Variants in UNC13C observed in about 807,000 individuals in gnomAD.
UNC13C encodes unc-13 homolog C.
A neutral mutation model predicts 245.4 loss-of-function variants in UNC13C; 174 were observed. The observed-to-expected ratio is 0.71, with a 90% CI of 0.63 to 0.80. The LOEUF (loss-of-function observed/expected upper bound fraction) is 0.80, where lower values mean the gene tolerates loss of function less well. Ranked by LOEUF, UNC13C falls within the 30% of genes least tolerant of loss-of-function variation. The pLI is 0.00. For missense variants in UNC13C, 2,829 were observed against 2,602.9 expected, an observed-to-expected ratio of 1.09 and a Z score of -1.89; for synonymous variants, 992 against 895.1, an observed-to-expected ratio of 1.11 and a Z score of -1.93.
At chr15:54,388,404 C>A (rs189801404) in intron 17 of UNC13C, among the ~76,000 whole-genome samples, 138 of 152,216 alleles carry the variant, frequency 9.1e-4, no homozygotes, top group African/African-American at 3.2e-3. Context: ...AGATCCACCC[C>A]ACACTGCTTG....
the UNC13C span, among the ~76,000 whole-genome samples, chr15:53,924,405 A>C: frequency 6.6e-6 from 1 of 152,138 alleles, no homozygotes; most frequent in African/African-American, 2.4e-5. Flanking sequence ...TCTTTCATGA[A>C]ATTGTTGTGA....
chr15:54,135,699 A>G (rs997949162), intron 2 of UNC13C, among the ~76,000 whole-genome samples: 1 of 152,196 alleles, frequency 6.6e-6, no homozygotes. Context: ...TTCAATTACT[A>G]TAACCTTGTA....
the UNC13C span, among the ~76,000 whole-genome samples, chr15:53,895,944 C>T: frequency 2.7e-5 from 4 of 149,568 alleles, no homozygotes; most frequent in African/African-American, 9.9e-5. Context: ...CCACTTAGTC[C>T]AGTATATTTT....
At chr15:54,257,566 C>T (rs1401279600) in intron 8 of UNC13C, among the ~76,000 whole-genome samples, 1 of 152,090 alleles carries the variant, frequency 6.6e-6, no homozygotes, top group Non-Finnish European at 1.5e-5. Flanking sequence ...TGACACTGGT[C>T]ATTTTAGAGA....
At chr15:54,254,505 T>A (rs2036229530) in intron 8 of UNC13C, among the ~76,000 whole-genome samples, 1 of 152,222 alleles carries the variant, frequency 6.6e-6, no homozygotes, top group South Asian at 2.1e-4. Flanking sequence ...TTAGCAAATG[T>A]GGTTAAACTA....
the UNC13C span, among the ~76,000 whole-genome samples, chr15:53,897,366 C>T: frequency 6.6e-6 from 1 of 152,188 alleles, no homozygotes; most frequent in Admixed American, 6.5e-5. Flanking sequence ...AGTCATCTCT[C>T]ATTATACTAC....
the UNC13C span, among the ~76,000 whole-genome samples, chr15:53,891,353 G>A: frequency 4.6e-5 from 7 of 152,172 alleles, no homozygotes; most frequent in Non-Finnish European, 1.0e-4. Context: ...ATTTGGGGTG[G>A]AGAGTTCTGT....
chr15:54,508,053 A>C (rs1322839660), intron 23 of UNC13C, among the ~76,000 whole-genome samples: 1 of 152,070 alleles, frequency 6.6e-6, no homozygotes, highest in Non-Finnish European at 1.5e-5. Flanking sequence ...GGTTCTTGAG[A>C]ATTCTATAAG....
intron 10 of UNC13C, among the ~76,000 whole-genome samples, chr15:54,288,867 A>G (rs555894872): frequency 5.9e-5 from 9 of 152,176 alleles, no homozygotes; most frequent in African/African-American, 2.2e-4. Flanking sequence ...TGTTCTGATC[A>G]ATTCATCTCC....
chr15:54,169,682 C>G (rs549173868), intron 4 of UNC13C, among the ~76,000 whole-genome samples: 1 of 152,126 alleles, frequency 6.6e-6, no homozygotes, highest in East Asian at 1.9e-4. Context: ...CCTTTCCAGC[C>G]CTAGGGCTTT....
chr15:54,134,049 CGT>C (rs3082223), intron 2 of UNC13C, among the ~76,000 whole-genome samples: 80,968 of 149,398 alleles, frequency 0.54, 22,703 homozygotes, highest in Non-Finnish European at 0.63. Flanking sequence ...TACTGAGTTA[CGT>C]GTGTGTGTGT....
chr15:54,185,902 G>C (rs2033964549), intron 4 of UNC13C, among the ~76,000 whole-genome samples: 1 of 151,368 alleles, frequency 6.6e-6, no homozygotes, highest in Non-Finnish European at 1.5e-5. Context: ...CTACCCATGA[G>C]CATGGAATGT....
intron 2 of UNC13C, among the ~76,000 whole-genome samples, chr15:54,025,656 A>G (rs939435338): frequency 6.6e-6 from 1 of 152,216 alleles, no homozygotes; most frequent in African/African-American, 2.4e-5. Flanking sequence ...GTTCAACTAT[A>G]TAAGATGAGA....
intron 18 of UNC13C, among the ~76,000 whole-genome samples, chr15:54,409,770 A>G (rs1221380151): frequency 6.6e-6 from 1 of 152,084 alleles, no homozygotes; most frequent in Non-Finnish European, 1.5e-5. Flanking sequence ...TTCTTTATCC[A>G]GTCCACTGTG....
chr15:54,624,665 G>C (rs979754483), intron 32 of UNC13C, among the ~76,000 whole-genome samples: 1 of 152,084 alleles, frequency 6.6e-6, no homozygotes, highest in African/African-American at 2.4e-5. Context: ...CAGTTAGAAG[G>C]CTATTGCAAT....
intron 17 of UNC13C, among the ~76,000 whole-genome samples, chr15:54,379,993 C>T (rs1038600928): frequency 6.6e-6 from 1 of 151,958 alleles, no homozygotes; most frequent in South Asian, 2.1e-4. Context: ...ATGGTGAGAA[C>T]AATTTATATC....
chr15:54,140,077 A>G lies in UNC13C; in HGVS notation c.2984-2941A>G, dbSNP rs953333941. On this transcript the variant is annotated intron_variant, in intron 2 of 32. Coordinates refer to ENST00000260323, the MANE Select transcript of UNC13C (RefSeq NM_001080534.3). ...GACCATACTGTTTTAGCTGTTATAA[A>G]TTATTAATATTTTTATAGATTCATC... Among the ~76,000 whole-genome samples the G allele has an allele frequency of 2.0e-5, 3 of 152,054 alleles. No individual in the cohort carries two copies. In the South Asian group the frequency reaches 6.2e-4, roughly 32 times the overall value.
intron 17 of UNC13C, among the ~76,000 whole-genome samples, chr15:54,366,944 ATTG>A (rs1427001476): frequency 1.3e-5 from 2 of 152,132 alleles, no homozygotes; most frequent in Non-Finnish European, 2.9e-5. Context: ...TAGACCAGGA[ATTG>A]TTGAGCTCTC....
chr15:54,357,971 G>A (rs79391802), intron 17 of UNC13C, among the ~76,000 whole-genome samples: 2 of 152,146 alleles, frequency 1.3e-5, no homozygotes, highest in East Asian at 3.9e-4. Context: ...ACTAATCATA[G>A]TGCACAAAGA....
Sources: allele counts gnomAD v4.1 joint callset (sites outside exome capture counted in the v4.1 genomes callset), GRCh38; gene constraint gnomAD v4.1.1; transcripts MANE v1.5; gene names NCBI Gene and HGNC (gene_info 2026-07-23, HGNC 2026-07-21).